The following ABCA7 variants were observed in gnomAD, a reference collection of about 807,000 sequenced individuals.
ABCA7 encodes the protein phospholipid-transporting ATPase ABCA7.
In ABCA7, 261 loss-of-function variants were observed where a neutral mutation model predicts 227.6. That is an observed-to-expected ratio of 1.15 (90% confidence interval 1.04 to 1.27). The LOEUF is 1.27. ABCA7 is among the 50% of genes most tolerant of loss of function. The probability of loss-of-function intolerance (pLI) is 0.00; values close to 1 mark genes in which losing one functional copy is unlikely to be tolerated. For synonymous variants in ABCA7, 1,488 were observed against 1,279.7 expected (o/e 1.16, Z -3.47); for missense variants, 3,331 against 2,924.5 (o/e 1.14, Z -3.21).
Position 1,051,048 on chromosome 19 carries a change from G to A in ABCA7, c.2680G>A (p.Asp894Asn). 6.2e-7 allele frequency: 1 copy of A among 1,611,254 alleles called. No homozygotes were observed. Among genetic ancestry groups the A allele is most frequent in the South Asian group, 1.1e-5 (1 of 90,992 alleles). Reference protein sequence around the residue: ...GVCPQYNVLFDMLTVDEHVWF... With the variant: ...GVCPQYNVLFNMLTVDEHVWF... ...CTGTCCTCAGTACAACGTGCTGTTT[G>A]ACATGTGCGTCTCGGCAGGCCCAGA... Residue 894 changes from aspartate to asparagine, a missense_variant, in exon 19 of 47, where the codon GAC becomes AAC. Transcript: ENST00000263094.
At position 1,063,646 on chromosome 19, in the gene ABCA7, G is replaced by A; in HGVS notation, c.5815G>A (p.Ala1939Thr). The change falls in exon 43 of 47, where the codon GCG (alanine) becomes ACG (threonine). Residue 1939 changes from alanine (A) to threonine (T), a missense_variant. Transcript: ENST00000263094. Reference protein sequence around the residue: ...GNKRKLATALALVGDPAVVFL... With the variant: ...GNKRKLATALTLVGDPAVVFL... The stretch of plus-strand genomic sequence containing the variant: ...CAAACGCAAGCTGGCGACGGCCCTG[G>A]CGCTGGTTGGGGACCCAGCCGTGGT... 1 of 1,609,986 alleles carries A rather than the reference G, an allele frequency of 6.2e-7. No homozygotes were observed. Among genetic ancestry groups the A allele is most frequent in the Non-Finnish European group, 8.5e-7 (1 of 1,179,268 alleles).
chr19:1,044,622 G>T lies in ABCA7; in HGVS notation c.1093G>T (p.Gly365Ter). The change falls in exon 11 of 47, where the codon GGA (glycine) becomes TGA (stop). Residue 365 changes from glycine (G) to a stop codon, truncating the protein, a stop_gained. Transcript: ENST00000263094. LOFTEE classifies it high-confidence loss of function. ...TGAAGGAAGAAGGCAGCCCAGACCT[G>T]GAGGCCGGGACCACATGGAGGCCCT... ...QDEGRRQPRP[G>*]GRDHMEALRS... 1 of 1,613,272 alleles carries T rather than the reference G, an allele frequency of 6.2e-7. No individual in the cohort carries two copies. Among genetic ancestry groups the T allele is most frequent in the Non-Finnish European group, 8.5e-7 (1 of 1,179,966 alleles).
intron 12 of ABCA7, chr19:1,045,568 C>T (rs931158796): frequency 1.7e-5 from 5 of 293,408 alleles, no homozygotes; most frequent in South Asian, 9.5e-5. Flanking sequence ...TAGATCTTGC[C>T]TGTTATCTCA....
rs1480679615 is a variant in ABCA7, at chr19:1,054,780, T to C, written c.3852T>C (p.Ser1284=). 3.1e-6 allele frequency: 5 copies of C among 1,603,208 alleles called. No homozygotes were observed. Among genetic ancestry groups the C allele is most frequent in the Non-Finnish European group, 4.3e-6 (5 of 1,175,528 alleles). The change falls in exon 29 of 47, where the codon AGT becomes AGC. Residue 1284 remains serine, a splice_region_variant and synonymous_variant. Coordinates refer to ENST00000263094, the MANE Select transcript of ABCA7 (RefSeq NM_019112.4). This position sits in a 1 kb window ranked among gnomAD's most constrained non-coding sequence, Gnocchi z 4.8. ...ACCCTACATCTCCCCTCACACACAG[T>C]GAGGACGCCCCAGGGGACCCTGGAC... is the stretch of plus-strand genomic sequence containing the variant. ...TMYGAQVSFF[S]EDAPGDPGRA... is the part of the protein sequence containing the mutation.
rs376512064 is a variant in ABCA7, at chr19:1,049,373, G to C, written c.2488G>C (p.Asp830His). ...PQPALRGLSL[D>H]FYQGHITAFL... ...GCCAGCCCTGCGGGGGCTCAGCCTGGACTTCTACCAGGGCCACATCACCGC... is the reference window on the plus strand; with the variant it reads ...GCCAGCCCTGCGGGGGCTCAGCCTGCACTTCTACCAGGGCCACATCACCGC... Residue 830 changes from aspartate to histidine, a missense_variant, in exon 18 of 47, where the codon GAC becomes CAC. Coordinates refer to ENST00000263094, the MANE Select transcript of ABCA7 (RefSeq NM_019112.4). 4.5e-5 allele frequency: 73 copies of C among 1,611,212 alleles called. No individual in the cohort carries two copies. The highest frequency in any genetic ancestry group is 5.9e-5 in the Non-Finnish European group (69 of 1,179,116).
rs759863489 is a variant in ABCA7, at chr19:1,048,895, G to T, written c.2270G>T (p.Gly757Val). Reference sequence around the variant, plus strand: ...CAATAACCCGCGCCCCTCCCCGCAGGCCAGTACGGGATCCCTGAACCATGG... The same window carrying T: ...CAATAACCCGCGCCCCTCCCCGCAGTCCAGTACGGGATCCCTGAACCATGG... The part of the protein sequence containing the change: ...ATWYLEAVCP[G>V]QYGIPEPWNF... Residue 757 changes from glycine (G) to valine (V), a missense_variant and splice_region_variant, in exon 17 of 47, where the codon GGC (glycine) becomes GTC (valine). Coordinates refer to ENST00000263094, the MANE Select transcript of ABCA7 (RefSeq NM_019112.4). 2.5e-6 allele frequency: 4 copies of T among 1,600,562 alleles called. No homozygotes were observed. Among genetic ancestry groups the T allele is most frequent in the Admixed American group, 3.4e-5 (2 of 58,884 alleles).
rs2042249152 is a variant in ABCA7, at chr19:1,056,321, C to T, written c.4417-9C>T. The T allele has an allele frequency of 1.2e-6, 2 of 1,612,370 alleles. No individual in the cohort carries two copies. The highest frequency in any genetic ancestry group is 4.5e-5 in the East Asian group (2 of 44,846). ...TTGCTCTGACCCTATGACCTTGACC[C>T]CCACCCAGATCTGGTTCAACAACAA... On this transcript the variant is annotated splice_polypyrimidine_tract_variant and intron_variant, in intron 32 of 46. Transcript: ENST00000263094. The surrounding 1 kb of genome is among the most constrained non-coding windows in gnomAD (Gnocchi z 4.3).
At position 1,041,905 on chromosome 19, in the gene ABCA7, A is replaced by C; in HGVS notation, c.235A>C (p.Asn79His). 1 of 1,602,134 alleles carries C rather than the reference A, an allele frequency of 6.2e-7. No individual in the cohort carries two copies. ...CCAGGGTCTCATCTGTAATGTGAAC[A>C]ACACCTGCTTTCCGCAGCTGACACC... ...WLQGLICNVN[N>H]TCFPQLTPGE... Residue 79 changes from asparagine to histidine, a missense_variant, in exon 4 of 47, where the codon AAC becomes CAC. Asn to His is a moderately conservative substitution (Grantham distance 68). Transcript: ENST00000263094.
At chr19:1,042,539 T>A (rs2040160864) in intron 6 of ABCA7, 142 bp downstream of exon 6, 2 of 1,161,524 alleles carry the variant, frequency 1.7e-6, no homozygotes, top group South Asian at 1.3e-5. Context: ...TGCTTGTCCG[T>A]CTGGGCCCCC....
chr19:1,050,913 A>G lies in ABCA7; in HGVS notation c.2553-8A>G, dbSNP rs780863155. On this transcript the variant is annotated splice_polypyrimidine_tract_variant and splice_region_variant and intron_variant, in intron 18 of 46. Transcript: ENST00000263094. ...AAGGGGGCTACTCTGAGACCCCTCT[A>G]TCCACAGGTCCATCTTGAGTGGCCT... 6.9e-6 allele frequency: 11 copies of G among 1,594,346 alleles called. No individual in the cohort carries two copies. The highest frequency in any genetic ancestry group is 2.2e-5 in the East Asian group (1 of 44,566).
In ABCA7 at chr19:1,047,216, C is replaced by T; in HGVS notation, c.1905C>T (p.Phe635=). 2 of 1,609,250 alleles carry T rather than the reference C, an allele frequency of 1.2e-6. No homozygotes were observed. The highest frequency in any genetic ancestry group is 1.7e-6 in the Non-Finnish European group (2 of 1,179,526). Residue 635 remains phenylalanine (F), a synonymous_variant, in exon 15 of 47, where the codon TTC becomes TTT. Transcript: ENST00000263094. ...PGVVFLFLAA[F]AVATVTQSFL... ...TGGTCTTCCTGTTCTTGGCAGCCTTCGCGGTGGCCACGGTGACCCAGAGCT... is the reference window on the plus strand; with the variant it reads ...TGGTCTTCCTGTTCTTGGCAGCCTTTGCGGTGGCCACGGTGACCCAGAGCT...
At chr19:1,053,928 G>C (rs2042009220) in intron 25 of ABCA7, 78 bp from the exon 26 acceptor site, 30 of 1,600,460 alleles carry the variant, frequency 1.9e-5, no homozygotes, top group Non-Finnish European at 2.5e-5. Context: ...CCAAGGCATA[G>C]CCTTTACCCT....
At chr19:1,044,394 T>C (rs1305298918) in intron 10 of ABCA7, among the ~76,000 whole-genome samples, 183 bp from the exon 11 acceptor site, 1 of 151,704 alleles carries the variant, frequency 6.6e-6, no homozygotes, top group East Asian at 1.9e-4. Flanking sequence ...ATTACAGGCA[T>C]GCGCCACCAC....
rs146155062 is a variant in ABCA7 at position 1,043,338 on chromosome 19, C to T, written c.795C>T (p.Pro265=). 21 of 1,612,896 alleles carry T rather than the reference C, an allele frequency of 1.3e-5. No homozygotes were observed. The highest frequency in any genetic ancestry group is 8.0e-5 in the African/African-American group (6 of 74,898). The part of the protein sequence containing the change: ...ESALPDSSLS[P]ACSELIGALD... ...CTCATGGCACCCCCATCCCAGGCCC[C>T]GCCTGCTCGGAGCTGATTGGAGCCC... Residue 265 remains proline, a synonymous_variant, in exon 9 of 47, where the codon CCC becomes CCT. Transcript: ENST00000263094.
intron 35 of ABCA7, 134 bp from the exon 36 acceptor site, chr19:1,057,777 GAAAA>G (rs4147943): frequency 1.0e-6 from 1 of 981,130 alleles, no homozygotes; most frequent in Non-Finnish European, 1.4e-6. Context: ...AAGAGAGAAA[GAAAA>G]AAAAAAAAAC....
At position 1,044,837 on chromosome 19, in the gene ABCA7, C is replaced by T. The variant is rs1158841970; in HGVS notation, c.1215+93C>T. ...CCTGGTGTTCCCAGGGGGAGGCGGGCCCGGCCCTAGTAAGAGCCTGGGATT... is the reference window on the plus strand; with the variant it reads ...CCTGGTGTTCCCAGGGGGAGGCGGGTCCGGCCCTAGTAAGAGCCTGGGATT... On this transcript the variant is annotated intron_variant, in intron 11 of 46. Transcript: ENST00000263094. 1.8e-5 allele frequency: 27 copies of T among 1,484,820 alleles called. No homozygotes were observed. The East Asian group carries it at 2.7e-4, about 15-fold the overall frequency. The allele number at this position is 1,484,820 out of a possible 1,614,324, so 92.0% of individuals were successfully genotyped here.
Position 1,065,010 on chromosome 19 carries a change from T to C in ABCA7, c.6124T>C (p.Phe2042Leu). 2 of 1,556,604 alleles carry C rather than the reference T, an allele frequency of 1.3e-6. No homozygotes were observed. The highest frequency in any genetic ancestry group is 8.7e-7 in the Non-Finnish European group (1 of 1,152,060). ...GGCAGCGGCCTTCGTGGCGGCCGAG[T>C]TCCCTGGGGCGGAGCTGCGCGAGGC... ...QPAAAFVAAE[F>L]PGAELREAHG... is the part of the protein sequence containing the mutation. Residue 2042 changes from phenylalanine (F) to leucine (L), a missense_variant, in exon 46 of 47, where the codon TTC becomes CTC. Physicochemically the swap from Phe to Leu is conservative, Grantham distance 22. Coordinates refer to ENST00000263094, the MANE Select transcript of ABCA7 (RefSeq NM_019112.4).
rs756550814 is a variant in ABCA7, at chr19:1,057,409, G to A, written c.4860G>A (p.Leu1620=). Residue 1620 remains leucine (L), a synonymous_variant, in exon 35 of 47, where the codon CTG becomes CTA. Coordinates refer to ENST00000263094, the MANE Select transcript of ABCA7 (RefSeq NM_019112.4). ...YVAPANLPAL[L]LLLLLYGWSI... The stretch of plus-strand genomic sequence containing the variant: ...CCCCTGCCAACCTGCCTGCTCTCCT[G>A]CTGTTGCTACTACTGTATGGGTGAG... The A allele has an allele frequency of 8.7e-6, 14 of 1,613,766 alleles. No homozygotes were observed. Among genetic ancestry groups the A allele is most frequent in the African/African-American group, 1.3e-5 (1 of 74,910 alleles).
At chr19:1,042,891 G>C (rs968164958) in intron 7 of ABCA7, 65 bp downstream of exon 7, 1 of 1,523,694 alleles carries the variant, frequency 6.6e-7, no homozygotes, top group Non-Finnish European at 8.8e-7. Flanking sequence ...TGCGCCGGGA[G>C]GGTCTGGGGC....
Sources: gnomAD v4.1 joint callset for allele counts (sites outside exome capture counted in the v4.1 genomes callset) on GRCh38, gnomAD v4.1.1 for gene constraint, Gnocchi (gnomAD v3.1) non-coding constraint, MANE v1.5 for transcripts, NCBI Gene and HGNC (gene_info 2026-07-23, HGNC 2026-07-21) for gene names.